Variants in ORC3 observed in about 807,000 individuals in gnomAD.
The protein encoded by ORC3 is origin recognition complex subunit 3, also known as homolog of latheo, Drosophila.
Under a neutral mutation model 100.7 loss-of-function variants are expected in ORC3, and 78 were observed. That is an observed-to-expected ratio of 0.77 (90% confidence interval 0.65 to 0.94). The LOEUF is 0.94. Among genes scored for constraint, ORC3 ranks in the 40% least tolerant of loss-of-function variants. The pLI, the probability that ORC3 is intolerant of heterozygous loss-of-function variation, is 0.00. For synonymous variants in ORC3, 295 were observed against 289.3 expected, an observed-to-expected ratio of 1.02 and a Z score of -0.20; for missense variants, 789 against 823.9, an observed-to-expected ratio of 0.96 and a Z score of 0.52.
chr6:87,644,677 C>T (rs547894717), intron 13 of ORC3, among the ~76,000 whole-genome samples: 9 of 151,190 alleles, frequency 6.0e-5, no homozygotes, highest in East Asian at 2.0e-4. Context: ...GGCGAAACCC[C>T]GTCTCTACTA....
chr6:87,664,664 T>G (rs1376759686), intron 17 of ORC3, 79 bp from the exon 18 acceptor site: 1 of 1,102,872 alleles, frequency 9.1e-7, no homozygotes, highest in Non-Finnish European at 1.4e-6. Flanking sequence ...TCAGTTTAGG[T>G]TGGGGGCTTC....
intron 11 of ORC3, among the ~76,000 whole-genome samples, chr6:87,627,820 C>T (rs1780036036): frequency 1.3e-5 from 2 of 152,172 alleles, no homozygotes; most frequent in South Asian, 2.1e-4. Context: ...CTGGAAACCA[C>T]ACTTCAAGAA....
chr6:87,657,417 A>G (rs1039339971), intron 15 of ORC3, among the ~76,000 whole-genome samples: 4 of 152,236 alleles, frequency 2.6e-5, no homozygotes, highest in Admixed American at 6.5e-5. Context: ...GAGCCACAGT[A>G]TATCCAATAT....
At chr6:87,642,645 G>T (rs978599408) in intron 13 of ORC3, among the ~76,000 whole-genome samples, 20 of 152,044 alleles carry the variant, frequency 1.3e-4, no homozygotes, top group Admixed American at 1.2e-3. Context: ...GCTCACGCCT[G>T]TAATCCCAGC....
rs182025432 is a variant in ORC3, at chr6:87,602,086, G to A, written c.177+205G>A. Among the ~76,000 whole-genome samples the A allele has an allele frequency of 6.7e-4, 102 of 152,112 alleles. No homozygotes were observed. The Middle Eastern group carries it at 0.01, about 15-fold the overall frequency. Reference sequence around the variant, plus strand: ...GTCTCTACAAAAGCTACAAAAACTAGCTGGGCATGGTGGTGTGCACTTGTA... The same window carrying A: ...GTCTCTACAAAAGCTACAAAAACTAACTGGGCATGGTGGTGTGCACTTGTA... On this transcript the variant is annotated intron_variant, in intron 3 of 19. Transcript: ENST00000392844.
At chr6:87,608,704 A>G (rs1156398782) in intron 6 of ORC3, among the ~76,000 whole-genome samples, 4 of 152,132 alleles carry the variant, frequency 2.6e-5, no homozygotes, top group African/African-American at 9.7e-5. Flanking sequence ...ACAGTGGCAG[A>G]GTAGCAAGCA....
chr6:87,619,201 A>G (rs1779368921), intron 9 of ORC3, among the ~76,000 whole-genome samples: 2 of 152,214 alleles, frequency 1.3e-5, no homozygotes, highest in African/African-American at 2.4e-5. Flanking sequence ...GCCAAGGGAA[A>G]AAGAGATTCA....
At chr6:87,663,823 A>C (rs1220664721) in intron 17 of ORC3, among the ~76,000 whole-genome samples, 4 of 152,352 alleles carry the variant, frequency 2.6e-5, no homozygotes, top group African/African-American at 9.6e-5. Flanking sequence ...TATATACATG[A>C]AAGAGTGGTA....
Position 87,607,725 on chromosome 6 carries a change from A to G in ORC3, c.480A>G (p.Val160=). 1 of 1,611,892 alleles carries G rather than the reference A, an allele frequency of 6.2e-7. No individual in the cohort carries two copies. The highest frequency in any genetic ancestry group is 8.5e-7 in the Non-Finnish European group (1 of 1,178,256). ...TCTCACAGTTGATGGACTGCTGTGT[A>G]GATATAAAATCCAAAGAGGAGGAAA... is the stretch of plus-strand genomic sequence containing the variant. ...KLISQLMDCC[V]DIKSKEEESV... Residue 160 remains valine, a synonymous_variant, in exon 6 of 20, where the codon GTA becomes GTG. Transcript: ENST00000392844.
intron 11 of ORC3, among the ~76,000 whole-genome samples, chr6:87,632,735 G>A (rs1230822784): frequency 6.6e-6 from 1 of 152,018 alleles, no homozygotes; most frequent in African/African-American, 2.4e-5. Context: ...ATGGTGGCAG[G>A]CACCTGTAAT....
rs10428762 is a variant in ORC3 at position 87,638,073 on chromosome 6, A to G, written c.1382+1587A>G. On this transcript the variant is annotated intron_variant, in intron 13 of 19. Coordinates refer to ENST00000392844, the MANE Select transcript of ORC3 (RefSeq NM_012381.4). ...TTATACCTTCTGCTTTTCTTGGCCA[A>G]GATCTAAAATATGGATTTGGAGATC... Among the ~76,000 whole-genome samples the G allele has an allele frequency of 7.7e-3, 1,176 of 152,312 alleles. 16 individuals carry two copies. The highest frequency in any genetic ancestry group is 0.026 in the African/African-American group (1,100 of 41,554).
rs762881176 is a variant in ORC3, at chr6:87,594,421, A to T, written c.79+14A>T. The T allele has an allele frequency of 7.7e-6, 12 of 1,557,066 alleles. No individual in the cohort carries two copies. In the East Asian group the frequency reaches 1.8e-4, roughly 23 times the overall value. ...CTCTGCCAATAGGTAAGGTGTCTGA[A>T]TATTAAATTTTTTATTCCCTACCTT... On this transcript the variant is annotated intron_variant, in intron 2 of 19. Transcript: ENST00000392844.
chr6:87,593,851 C>T (rs1163756572), intron 1 of ORC3, among the ~76,000 whole-genome samples: 1 of 152,214 alleles, frequency 6.6e-6, no homozygotes, highest in African/African-American at 2.4e-5. Context: ...CTCACACCAA[C>T]ACGCCTGGCT....
chr6:87,666,115 T>C (rs1770577326), intron 19 of ORC3, among the ~76,000 whole-genome samples: 1 of 152,186 alleles, frequency 6.6e-6, no homozygotes, highest in African/African-American at 2.4e-5. Context: ...TTCTCTTTTT[T>C]TGGTTTTTGT....
At chr6:87,677,033 C>T in the ORC3 span, among the ~76,000 whole-genome samples, 2 of 148,540 alleles carry the variant, frequency 1.3e-5, no homozygotes, top group African/African-American at 2.5e-5. Flanking sequence ...GCCAAGACTG[C>T]GCCACTGCAC....
At chr6:87,662,952 GAAAAT>G in intron 16 of ORC3, 46 bp from the exon 17 acceptor site, 1 of 1,299,924 alleles carries the variant, frequency 7.7e-7, no homozygotes, top group Non-Finnish European at 1.0e-6. Context: ...TATATATAAA[GAAAAT>G]AAACCTGTGC....
At chr6:87,632,822 A>G (rs1164676924) in intron 11 of ORC3, among the ~76,000 whole-genome samples, 2 of 152,148 alleles carry the variant, frequency 1.3e-5, no homozygotes, top group Non-Finnish European at 2.9e-5. Context: ...AGAGAGTTAG[A>G]CTTCATCTTA....
At chr6:87,675,726 A>T in the ORC3 span, 2 of 1,466,746 alleles carry the variant, frequency 1.4e-6, no homozygotes, top group African/African-American at 1.4e-5. Context: ...TTGCAAAGTT[A>T]TGCTGCCTAT....
chr6:87,648,399 T>C (rs1768971815), intron 13 of ORC3, among the ~76,000 whole-genome samples: 1 of 152,250 alleles, frequency 6.6e-6, no homozygotes, highest in Non-Finnish European at 1.5e-5. Context: ...TAATACTATA[T>C]ATGGTGTTCC....
Sources: allele counts gnomAD v4.1 joint callset (sites outside exome capture counted in the v4.1 genomes callset), GRCh38; gene constraint gnomAD v4.1.1; transcripts MANE v1.5; gene names NCBI Gene and HGNC (gene_info 2026-07-23, HGNC 2026-07-21).